Variants in SGCD observed in about 807,000 individuals in gnomAD.
SGCD encodes the protein delta-sarcoglycan.
Under a neutral mutation model 36.6 loss-of-function variants are expected in SGCD, and 18 were observed. The observed-to-expected ratio is 0.49, with a 90% confidence interval of 0.34 to 0.73. The LOEUF (loss-of-function observed/expected upper bound fraction) is 0.73. SGCD is among the 30% of genes least tolerant of loss of function. The probability of loss-of-function intolerance (pLI) is 0.01; values close to 1 mark genes in which losing one functional copy is unlikely to be tolerated. For synonymous variants in SGCD, 133 were observed against 130.6 expected (o/e 1.02, Z -0.12); for missense variants, 387 against 346.7 (o/e 1.12, Z -0.92).
intron 3 of SGCD, among the ~76,000 whole-genome samples, chr5:156,457,193 C>T (rs115102169): frequency 0.022 from 3,361 of 152,144 alleles, 119 homozygotes; most frequent in African/African-American, 0.075. Flanking sequence ...AGCAGAGACA[C>T]CTTATTTTCT....
chr5:155,986,981 T>A (rs1758345696), intron 1 of SGCD, among the ~76,000 whole-genome samples: 1 of 152,178 alleles, frequency 6.6e-6, no homozygotes, highest in Non-Finnish European at 1.5e-5. Flanking sequence ...CTGGAAATCA[T>A]ATTTCTCACT....
intron 1 of SGCD, among the ~76,000 whole-genome samples, chr5:155,898,251 A>G (rs980070745): frequency 6.6e-6 from 1 of 152,200 alleles, no homozygotes; most frequent in Non-Finnish European, 1.5e-5. Flanking sequence ...AACATGGAAC[A>G]TATTTTTCTT....
chr5:156,132,239 TTG>T (rs763564801), intron 3 of SGCD, among the ~76,000 whole-genome samples: 26 of 150,060 alleles, frequency 1.7e-4, no homozygotes, highest in East Asian at 1.6e-3. Flanking sequence ...AGGGGTGTGT[TTG>T]TGTGTGTGTG....
At chr5:155,991,003 T>A (rs138624494) in intron 1 of SGCD, among the ~76,000 whole-genome samples, 1 of 152,300 alleles carries the variant, frequency 6.6e-6, no homozygotes, top group East Asian at 1.9e-4. Context: ...CTTCAGGGTT[T>A]ATGATTCAGT....
At chr5:156,459,559 C>A (rs1279331849) in intron 3 of SGCD, among the ~76,000 whole-genome samples, 3 of 151,990 alleles carry the variant, frequency 2.0e-5, no homozygotes, top group Non-Finnish European at 4.4e-5. Context: ...AATGAAGAGC[C>A]CTTTCTTTGC....
At chr5:155,811,833 G>A in the SGCD span, among the ~76,000 whole-genome samples, 13 of 152,092 alleles carry the variant, frequency 8.5e-5, no homozygotes, top group African/African-American at 3.1e-4. Flanking sequence ...GGGATTTAGG[G>A]TCATTTGATT....
At chr5:156,394,008 A>C (rs1018749930) in intron 3 of SGCD, 2 of 354,520 alleles carry the variant, frequency 5.6e-6, no homozygotes, top group Non-Finnish European at 1.1e-5. Flanking sequence ...AATTACATCA[A>C]TTGTGATTTA....
At chr5:156,741,918 C>A (rs184873850) in intron 7 of SGCD, among the ~76,000 whole-genome samples, 6 of 151,856 alleles carry the variant, frequency 4.0e-5, no homozygotes, top group African/African-American at 1.5e-4. Context: ...CTTTGTTGCC[C>A]AGGCTGGAGC....
At chr5:156,485,029 T>TC (rs1172770996) in intron 3 of SGCD, among the ~76,000 whole-genome samples, 1 of 152,192 alleles carries the variant, frequency 6.6e-6, no homozygotes, top group Non-Finnish European at 1.5e-5. Flanking sequence ...TTTTTTTTTT[T>TC]CATAACGATT....
chr5:156,670,808 G>A (rs921478817), intron 7 of SGCD, among the ~76,000 whole-genome samples: 2 of 152,194 alleles, frequency 1.3e-5, no homozygotes, highest in Non-Finnish European at 2.9e-5. Context: ...CATGGGCTAT[G>A]TGCCATGTTG....
rs1205374179 is a variant in SGCD at position 156,300,258 on chromosome 5, G to A, written c.-43-29276G>A. Among the ~76,000 whole-genome samples, 3 of 151,816 alleles carry A rather than the reference G, an allele frequency of 2.0e-5. No homozygotes were observed. In the East Asian group the frequency reaches 5.8e-4, roughly 29 times the overall value. On this transcript the variant is annotated intron_variant, in intron 3 of 9. Transcript: ENST00000517913. ...TTATTTATTTTTGTAGGCACTTATA[G>A]CTATAAACTCTCCTCTTAGTACTGC...
chr5:156,546,071 A>G lies in SGCD; in HGVS notation c.294+37369A>G, dbSNP rs548133705. Among the ~76,000 whole-genome samples the G allele has an allele frequency of 2.6e-5, 4 of 152,094 alleles. No individual in the cohort carries two copies. In the South Asian group the frequency reaches 8.3e-4, roughly 32 times the overall value. On this transcript the variant is annotated intron_variant, in intron 4 of 8. Coordinates refer to ENST00000337851, the MANE Select transcript of SGCD (RefSeq NM_000337.6). ...GACACACATTTGGAAAACACAGCAC[A>G]CTCTATCTCCCCCTTGGATGTTAAT...
In SGCD at chr5:156,113,854, T is replaced by TAA. The variant is rs1450488069; in HGVS notation, c.-281-4021_-281-4020dup. Among the ~76,000 whole-genome samples the TAA allele has an allele frequency of 2.0e-5, 3 of 152,122 alleles. No individual in the cohort carries two copies. The South Asian group carries it at 6.2e-4, about 32-fold the overall frequency. On this transcript the variant is annotated intron_variant, in intron 1 of 9. Transcript: ENST00000517913. ...CTAAGAAGAAATTTTTATCAAGCCA[T>TAA]AAAAGTACATGGAGGAACCTTAAAA...
At chr5:156,197,348 T>A (rs868570971) in intron 3 of SGCD, among the ~76,000 whole-genome samples, 6 of 152,164 alleles carry the variant, frequency 3.9e-5, no homozygotes, top group African/African-American at 9.7e-5. Flanking sequence ...ATATAAATAA[T>A]TTAAAATATT....
chr5:156,038,424 G>A (rs920679251), intron 1 of SGCD, among the ~76,000 whole-genome samples: 3 of 152,202 alleles, frequency 2.0e-5, no homozygotes, highest in Non-Finnish European at 2.9e-5. Context: ...AGTCTATAAT[G>A]TAGTGAATAG....
chr5:156,084,150 C>G (rs918035469), intron 1 of SGCD, among the ~76,000 whole-genome samples: 5 of 152,244 alleles, frequency 3.3e-5, no homozygotes, highest in African/African-American at 9.6e-5. Context: ...TGGAATTTGA[C>G]AGGCATTGCA....
the SGCD span, among the ~76,000 whole-genome samples, chr5:155,777,859 A>G: frequency 2.0e-5 from 3 of 152,234 alleles, no homozygotes; most frequent in East Asian, 5.8e-4. Context: ...CTGTATTTAC[A>G]GGCCTTGCAG....
At chr5:156,214,927 A>T (rs2127642751) in intron 3 of SGCD, among the ~76,000 whole-genome samples, 1 of 152,234 alleles carries the variant, frequency 6.6e-6, no homozygotes, top group African/African-American at 2.4e-5. Context: ...CTCATCTTAC[A>T]TCAGATGCAA....
chr5:156,303,330 C>A (rs1348024360), intron 3 of SGCD, among the ~76,000 whole-genome samples: 1 of 152,048 alleles, frequency 6.6e-6, no homozygotes, highest in Non-Finnish European at 1.5e-5. Flanking sequence ...CTTTAGTTAG[C>A]TTGTGGCAAA....
Sources: gnomAD v4.1 joint callset for allele counts (sites outside exome capture counted in the v4.1 genomes callset) on GRCh38, gnomAD v4.1.1 for gene constraint, MANE v1.5 for transcripts, NCBI Gene and HGNC (gene_info 2026-07-23, HGNC 2026-07-21) for gene names.